SEMA3C: variants seen among roughly 807,000 people sequenced by gnomAD.
SEMA3C encodes the protein semaphorin 3C, also known as semaphorin-3C.
A neutral mutation model predicts 89.4 loss-of-function variants in SEMA3C; 47 were observed. That is an observed-to-expected ratio of 0.53 (90% CI 0.42 to 0.67). The LOEUF (loss-of-function observed/expected upper bound fraction) is 0.67, where lower values mean the gene tolerates loss of function less well. SEMA3C is among the 30% of genes least tolerant of loss of function. The probability of loss-of-function intolerance (pLI) is 0.00; values close to 1 mark genes in which losing one functional copy is unlikely to be tolerated. For synonymous variants in SEMA3C, 310 were observed against 320.2 expected, an observed-to-expected ratio of 0.97 and a Z score of 0.34; for missense variants, 839 against 929.1, an observed-to-expected ratio of 0.90 and a Z score of 1.26.
chr7:80,829,063 A>G (rs1789949355), intron 2 of SEMA3C, among the ~76,000 whole-genome samples: 1 of 152,022 alleles, frequency 6.6e-6, no homozygotes, highest in African/African-American at 2.4e-5. Context: ...GATACTTTGG[A>G]GGCTGAGGTG....
At chr7:80,750,473 T>TATATATAC (rs869227686) in intron 16 of SEMA3C, among the ~76,000 whole-genome samples, 28 of 55,430 alleles carry the variant, frequency 5.1e-4, no homozygotes, top group East Asian at 3.3e-3. Flanking sequence ...TATATATATA[T>TATATATAC]ACACACACAC....
chr7:80,892,346 T>G (rs1791635172), intron 2 of SEMA3C, among the ~76,000 whole-genome samples: 1 of 152,138 alleles, frequency 6.6e-6, no homozygotes, highest in Non-Finnish European at 1.5e-5. Flanking sequence ...ATTATTTACT[T>G]TAACAGTCAG....
chr7:80,797,818 T>C (rs969573238), intron 11 of SEMA3C, among the ~76,000 whole-genome samples: 2 of 152,222 alleles, frequency 1.3e-5, no homozygotes, highest in African/African-American at 4.8e-5. Context: ...ACCAACATGG[T>C]GAAACCCTGT....
chr7:80,908,400 T>C (rs1037812981), intron 2 of SEMA3C, among the ~76,000 whole-genome samples: 1 of 152,216 alleles, frequency 6.6e-6, no homozygotes, highest in Non-Finnish European at 1.5e-5. Context: ...TTTTCTAATT[T>C]AACTTTTGTG....
At chr7:80,779,885 TGAG>T (rs1204244939) in intron 12 of SEMA3C, among the ~76,000 whole-genome samples, 3 of 152,182 alleles carry the variant, frequency 2.0e-5, no homozygotes, top group East Asian at 3.9e-4. Flanking sequence ...AAAGAGCCAA[TGAG>T]GAGATCTATG....
chr7:80,883,441 G>C (rs1791399266), intron 2 of SEMA3C, among the ~76,000 whole-genome samples: 1 of 152,158 alleles, frequency 6.6e-6, no homozygotes, highest in Admixed American at 6.5e-5. Context: ...AACTGAATCA[G>C]AGGTAACTCA....
intron 2 of SEMA3C, among the ~76,000 whole-genome samples, chr7:80,887,171 C>T (rs887251721): frequency 1.3e-5 from 2 of 152,062 alleles, no homozygotes; most frequent in African/African-American, 2.4e-5. Context: ...ATACATTAAG[C>T]ACATTTAAAT....
At chr7:80,857,648 C>T (rs574628459) in intron 2 of SEMA3C, among the ~76,000 whole-genome samples, 8 of 152,176 alleles carry the variant, frequency 5.3e-5, no homozygotes, top group South Asian at 2.1e-4. Context: ...GCATTTAAAT[C>T]GATCAAAACT....
chr7:80,884,451 T>A (rs1791425075), intron 2 of SEMA3C, among the ~76,000 whole-genome samples: 1 of 150,676 alleles, frequency 6.6e-6, no homozygotes, highest in South Asian at 2.1e-4. Flanking sequence ...ATATATCCGA[T>A]TTTTTTAAAA....
At chr7:80,835,391 GA>G (rs1010817357) in intron 2 of SEMA3C, among the ~76,000 whole-genome samples, 17 of 152,128 alleles carry the variant, frequency 1.1e-4, no homozygotes, top group African/African-American at 4.1e-4. Flanking sequence ...ATCTCAGGCA[GA>G]ATGCACATCT....
chr7:80,857,968 A>T (rs75199602), intron 2 of SEMA3C, among the ~76,000 whole-genome samples: 5,024 of 152,164 alleles, frequency 0.033, 111 homozygotes, highest in South Asian at 0.056. Flanking sequence ...ATTCAAATAG[A>T]CCTTTTTTTT....
At chr7:80,811,544 T>C (rs1249752671) in intron 5 of SEMA3C, among the ~76,000 whole-genome samples, 1 of 151,270 alleles carries the variant, frequency 6.6e-6, no homozygotes, top group Non-Finnish European at 1.5e-5. Context: ...CCTACCAAAA[T>C]TCAAAGTAAA....
chr7:80,913,885 C>T (rs1388953911), intron 2 of SEMA3C, among the ~76,000 whole-genome samples: 1 of 152,184 alleles, frequency 6.6e-6, no homozygotes, highest in Non-Finnish European at 1.5e-5. Flanking sequence ...GGAGAAGAGA[C>T]TCATTGCTCT....
At chr7:80,802,886 G>A in intron 8 of SEMA3C, 107 bp from the exon 9 acceptor site, 1 of 679,956 alleles carries the variant, frequency 1.5e-6, no homozygotes, top group Non-Finnish European at 2.6e-6. Context: ...TCTGAAGAAT[G>A]GATATGTTAA....
chr7:80,917,994 G>A (rs1339189382), intron 1 of SEMA3C, among the ~76,000 whole-genome samples: 1 of 152,194 alleles, frequency 6.6e-6, no homozygotes, highest in Non-Finnish European at 1.5e-5. Flanking sequence ...TGTTATGAGA[G>A]TTAGAAATGA....
At chr7:80,798,260 C>T in intron 10 of SEMA3C, 24 bp from the exon 11 acceptor site, 3 of 1,393,644 alleles carry the variant, frequency 2.2e-6, no homozygotes, top group Non-Finnish European at 1.9e-6. Context: ...CAGAAAAAGG[C>T]ATTTTCAAAT....
intron 2 of SEMA3C, among the ~76,000 whole-genome samples, chr7:80,848,029 C>T (rs1790430531): frequency 6.6e-6 from 1 of 152,148 alleles, no homozygotes; most frequent in African/African-American, 2.4e-5. Flanking sequence ...TATGCTGCTC[C>T]TTCTTTCCTG....
chr7:80,896,568 G>T (rs1404151651), intron 2 of SEMA3C, among the ~76,000 whole-genome samples: 1 of 152,204 alleles, frequency 6.6e-6, no homozygotes, highest in East Asian at 1.9e-4. Context: ...AAACAGAAAA[G>T]TTGTCTTAGC....
At chr7:80,894,420 AT>A (rs1791685778) in intron 2 of SEMA3C, among the ~76,000 whole-genome samples, 2 of 152,220 alleles carry the variant, frequency 1.3e-5, no homozygotes, top group South Asian at 4.1e-4. Flanking sequence ...ATTTTACATG[AT>A]TTAGTTTTTC....
Sources: gnomAD v4.1 joint callset for allele counts (sites outside exome capture counted in the v4.1 genomes callset) on GRCh38, gnomAD v4.1.1 for gene constraint, MANE v1.5 for transcripts, NCBI Gene and HGNC (gene_info 2026-07-23, HGNC 2026-07-21) for gene names.